The following ALDH1A2 variants were observed in gnomAD, a reference collection of about 807,000 sequenced individuals.
ALDH1A2 encodes retinal dehydrogenase 2.
A neutral mutation model predicts 60.3 loss-of-function variants in ALDH1A2; 27 were observed. That is an observed-to-expected ratio of 0.45 (90% confidence interval 0.33 to 0.62). The LOEUF (loss-of-function observed/expected upper bound fraction) is 0.62. Ranked by LOEUF, ALDH1A2 falls within the 20% of genes least tolerant of loss-of-function variation. The pLI is 0.02. For synonymous variants in ALDH1A2, 289 were observed against 232.4 expected, an observed-to-expected ratio of 1.24 and a Z score of -2.21; for missense variants, 581 against 643.8, an observed-to-expected ratio of 0.90 and a Z score of 1.06.
At chr15:58,036,509 C>A (rs141197616) in intron 1 of ALDH1A2, 16 of 151,358 alleles carry the variant, frequency 1.1e-4, no homozygotes, top group Non-Finnish European at 1.9e-4. Flanking sequence ...AAGGGACCTG[C>A]GCAACTCCCT....
chr15:57,969,267 T>G (rs1893987689), intron 7 of ALDH1A2, among the ~76,000 whole-genome samples: 1 of 152,164 alleles, frequency 6.6e-6, no homozygotes, highest in Non-Finnish European at 1.5e-5. Context: ...CTAAAAGGAC[T>G]CCCATGTAAA....
At chr15:58,065,166 G>A in intron 1 of ALDH1A2, 1 of 298,430 alleles carries the variant, frequency 3.4e-6, no homozygotes, top group Non-Finnish European at 6.5e-6. Context: ...GCGTGGCCAA[G>A]CTGACGGGGA....
intron 7 of ALDH1A2, among the ~76,000 whole-genome samples, chr15:57,967,457 C>G (rs1893935038): frequency 6.6e-6 from 1 of 152,098 alleles, no homozygotes. Flanking sequence ...GTAAAGGAGA[C>G]AGCTGGACCT....
chr15:57,991,564 C>T (rs1314201028), intron 7 of ALDH1A2: 1 of 152,010 alleles, frequency 6.6e-6, no homozygotes, highest in Non-Finnish European at 1.5e-5. Context: ...CAATGGAGAA[C>T]GTGAAATGTG....
At chr15:58,022,848 T>A (rs1175366229) in intron 1 of ALDH1A2, among the ~76,000 whole-genome samples, 1 of 151,644 alleles carries the variant, frequency 6.6e-6, no homozygotes, top group Non-Finnish European at 1.5e-5. Context: ...TATATACACC[T>A]TCAGGAAAAA....
intron 3 of ALDH1A2, 42 bp downstream of exon 3, chr15:58,013,816 C>T (rs369443673): frequency 2.7e-5 from 44 of 1,611,818 alleles, no homozygotes; most frequent in Non-Finnish European, 3.7e-5. Context: ...AGCAGAATGG[C>T]AAATGTGGGT....
chr15:57,989,632 A>G (rs1217061579), intron 7 of ALDH1A2, among the ~76,000 whole-genome samples: 1 of 152,222 alleles, frequency 6.6e-6, no homozygotes, highest in East Asian at 1.9e-4. Context: ...TTTGCCATTA[A>G]TCAAATTACT....
chr15:58,029,842 A>C (rs1010942802), intron 1 of ALDH1A2, among the ~76,000 whole-genome samples: 3 of 152,224 alleles, frequency 2.0e-5, no homozygotes, highest in Non-Finnish European at 4.4e-5. Context: ...AACCAGGAAG[A>C]AGCTGAATCT....
intron 1 of ALDH1A2, among the ~76,000 whole-genome samples, chr15:58,053,470 A>G (rs1896826317): frequency 6.6e-6 from 1 of 152,166 alleles, no homozygotes; most frequent in South Asian, 2.1e-4. Flanking sequence ...TCATCTCCGT[A>G]GCAATAAGTT....
rs1020489246 is a variant in ALDH1A2, at chr15:57,971,715, G to A, written c.799-5888C>T. 3.3e-5 allele frequency among the ~76,000 whole-genome samples: 5 copies of A among 152,108 alleles called. No homozygotes were observed. In the East Asian group the frequency reaches 9.7e-4, roughly 30 times the overall value. On this transcript the variant is annotated intron_variant, in intron 7 of 12. Transcript: ENST00000249750. ...TGGGATGACAGGCCTGAGCCACCAG[G>A]GCCCAGACAAACTTTCAATAATTTG...
At chr15:57,988,840 G>T (rs1385117267) in intron 7 of ALDH1A2, among the ~76,000 whole-genome samples, 1 of 151,914 alleles carries the variant, frequency 6.6e-6, no homozygotes, top group East Asian at 1.9e-4. Context: ...CCTGAAAGAG[G>T]AGATTCCATT....
At chr15:58,035,685 T>G (rs1479889100) in intron 1 of ALDH1A2, among the ~76,000 whole-genome samples, 1 of 151,766 alleles carries the variant, frequency 6.6e-6, no homozygotes, top group Non-Finnish European at 1.5e-5. Context: ...TATTCAGAAG[T>G]GTGTTCTTTA....
At chr15:58,048,548 G>A (rs926243228) in intron 1 of ALDH1A2, among the ~76,000 whole-genome samples, 6 of 152,022 alleles carry the variant, frequency 3.9e-5, no homozygotes, top group Non-Finnish European at 5.9e-5. Flanking sequence ...TATGGATGGG[G>A]GATCTGCCCC....
chr15:58,025,930 C>T (rs966822902), intron 1 of ALDH1A2, among the ~76,000 whole-genome samples: 1 of 152,148 alleles, frequency 6.6e-6, no homozygotes, highest in Non-Finnish European at 1.5e-5. Context: ...GAGAGTGCAC[C>T]AAGCCACTAC....
rs1211746879 is a variant in ALDH1A2, at chr15:57,954,338, C to A, written c.*859G>T. On this transcript the variant is annotated 3_prime_UTR_variant, in exon 13 of 13. Transcript: ENST00000249750. ...CAGCATTATCAAATTCTTGGGCCTA[C>A]TCGGATTGTTTTTTGGTTGGTTCTA... 6.5e-6 allele frequency: 1 copy of A among 152,696 alleles called. No individual in the cohort carries two copies. The highest frequency in any genetic ancestry group is 1.5e-5 in the Non-Finnish European group (1 of 68,036). 9.5% of individuals were successfully genotyped at this position (152,696 alleles called of 1,614,324 possible). A position where few individuals can be genotyped will look rare whatever the true frequency, so the allele number is the denominator to read the frequency against.
Position 57,955,188 on chromosome 15 carries a change from T to C in ALDH1A2, c.*9A>G. The C allele has an allele frequency of 3.1e-6, 5 of 1,613,980 alleles. No individual in the cohort carries two copies. The highest frequency in any genetic ancestry group is 4.2e-6 in the Non-Finnish European group (5 of 1,179,838). ...TGCAGGCTGGGCTTCATCCTCCTTC[T>C]TGGCCTTCTTAGGAGTTCTTCTGGG... On this transcript the variant is annotated 3_prime_UTR_variant, in exon 13 of 13. Transcript: ENST00000249750.
chr15:57,963,906 G>A lies in ALDH1A2; in HGVS notation c.1065C>T (p.Pro355=). 6.2e-7 allele frequency: 1 copy of A among 1,614,158 alleles called. No homozygotes were observed. The highest frequency in any genetic ancestry group is 8.5e-7 in the Non-Finnish European group (1 of 1,180,020). The change falls in exon 9 of 13, where the codon CCC becomes CCT. Residue 355 remains proline (P), a synonymous_variant. Coordinates refer to ENST00000249750, the MANE Select transcript of ALDH1A2 (RefSeq NM_003888.4). ...CTACCTGGGGACCCTGCTCAGTGGTGGGGTCAAAGGGACTCCCCACTACGC... is the reference window on the plus strand; with the variant it reads ...CTACCTGGGGACCCTGCTCAGTGGTAGGGTCAAAGGGACTCCCCACTACGC... ...KRRVVGSPFD[P]TTEQGPQIDK...
chr15:58,024,755 G>C (rs905564901), intron 1 of ALDH1A2, among the ~76,000 whole-genome samples: 1 of 152,084 alleles, frequency 6.6e-6, no homozygotes. Context: ...CTTTTCATCA[G>C]CACATGCAAT....
At chr15:58,048,675 A>G (rs988430336) in intron 1 of ALDH1A2, among the ~76,000 whole-genome samples, 3 of 151,982 alleles carry the variant, frequency 2.0e-5, no homozygotes, top group African/African-American at 7.2e-5. Context: ...TTGACTCAGG[A>G]TTCCATGGGT....
Sources: gnomAD v4.1 joint callset for allele counts (sites outside exome capture counted in the v4.1 genomes callset) on GRCh38, gnomAD v4.1.1 for gene constraint, MANE v1.5 for transcripts, NCBI Gene and HGNC (gene_info 2026-07-23, HGNC 2026-07-21) for gene names.